Variants in EML6 observed in about 807,000 individuals in gnomAD.
EML6 encodes the protein echinoderm microtubule-associated protein-like 6.
In EML6, 154 loss-of-function variants were observed where a neutral mutation model predicts 240.1. That is an observed-to-expected ratio of 0.64 (90% CI 0.56 to 0.73). EML6 has a LOEUF of 0.73. Ranked by LOEUF, EML6 falls within the 30% of genes least tolerant of loss-of-function variation. The probability of loss-of-function intolerance (pLI) is 0.00; values close to 1 mark genes in which losing one functional copy is unlikely to be tolerated. For synonymous variants in EML6, 1,148 were observed against 899.0 expected (o/e 1.28, Z -4.95); for missense variants, 2,964 against 2,474.6 (o/e 1.20, Z -4.20).
intron 4 of EML6, among the ~76,000 whole-genome samples, chr2:54,819,647 G>A (rs141455524): frequency 6.6e-6 from 1 of 151,884 alleles, no homozygotes; most frequent in Non-Finnish European, 1.5e-5. Flanking sequence ...GTGGTGGCAC[G>A]CGCCTGTAGT....
chr2:54,833,826 C>T (rs1346366719), intron 7 of EML6, among the ~76,000 whole-genome samples: 4 of 152,170 alleles, frequency 2.6e-5, no homozygotes, highest in African/African-American at 7.2e-5. Flanking sequence ...ACCCAGGATC[C>T]TTCATCTGCA....
intron 2 of EML6, among the ~76,000 whole-genome samples, chr2:54,742,956 G>A (rs987569914): frequency 6.6e-6 from 1 of 152,174 alleles, no homozygotes; most frequent in Non-Finnish European, 1.5e-5. Context: ...TTGATATAAA[G>A]AGTTAAATTC....
intron 21 of EML6, among the ~76,000 whole-genome samples, chr2:54,899,059 C>G (rs532274605): frequency 1.3e-5 from 2 of 152,164 alleles, no homozygotes; most frequent in African/African-American, 2.4e-5. Flanking sequence ...TGAACAGACG[C>G]AGAACCTGGG....
chr2:54,773,211 A>AT (rs1255799463), intron 2 of EML6, among the ~76,000 whole-genome samples: 3 of 152,126 alleles, frequency 2.0e-5, no homozygotes, highest in Admixed American at 6.5e-5. Flanking sequence ...TATGAGAGAT[A>AT]TTTTCTCTTG....
chr2:54,877,169 AGAGT>A (rs1671550682), intron 16 of EML6, among the ~76,000 whole-genome samples: 1 of 152,014 alleles, frequency 6.6e-6, no homozygotes. Flanking sequence ...ATTTTTGTAG[AGAGT>A]GGGTTTCCTC....
At chr2:54,888,167 G>A (rs1277358701) in intron 17 of EML6, among the ~76,000 whole-genome samples, 4 of 152,206 alleles carry the variant, frequency 2.6e-5, no homozygotes, top group African/African-American at 4.8e-5. Flanking sequence ...GGGGGCTGGG[G>A]CAGGATTCAT....
chr2:54,781,794 C>T (rs1051996037), intron 2 of EML6, among the ~76,000 whole-genome samples: 19 of 152,068 alleles, frequency 1.2e-4, no homozygotes, highest in African/African-American at 4.1e-4. Flanking sequence ...TTCAGCCTCT[C>T]GAGTAGTTGG....
At chr2:54,726,462 C>A (rs1026659220) in intron 2 of EML6, among the ~76,000 whole-genome samples, 1 of 151,274 alleles carries the variant, frequency 6.6e-6, no homozygotes, top group African/African-American at 2.4e-5. Flanking sequence ...TTTTCTGAGA[C>A]CTAAAGTTGA....
At chr2:54,919,379 G>C (rs1407916394) in intron 26 of EML6, among the ~76,000 whole-genome samples, 3 of 151,794 alleles carry the variant, frequency 2.0e-5, no homozygotes, top group African/African-American at 7.3e-5. Context: ...ATTTTAACCT[G>C]AACATAGCAG....
chr2:54,724,167 A>G lies in EML6; in HGVS notation c.-513-382A>G, dbSNP rs761570815. Among the ~76,000 whole-genome samples the G allele has an allele frequency of 6.6e-6, 1 of 151,562 alleles. No homozygotes were observed. Among genetic ancestry groups the G allele is most frequent in the African/African-American group, 2.4e-5 (1 of 41,204 alleles). On this transcript the variant is annotated intron_variant, in intron 1 of 41. Coordinates refer to ENST00000356458, the MANE Select transcript of EML6 (RefSeq NM_001039753.4). The surrounding 1 kb of genome is among the most constrained non-coding windows in gnomAD (Gnocchi z 5.2). ...CTTCCGAGTAAGACAATCTTTCATG[A>G]TGCGGATTGGAGTTGCTGATCAATG...
In EML6 at chr2:54,892,562, C is replaced by G. The variant is rs1239239135; in HGVS notation, c.2648C>G (p.Ala883Gly). The G allele has an allele frequency of 3.2e-6, 5 of 1,551,328 alleles. No individual in the cohort carries two copies. Among genetic ancestry groups the G allele is most frequent in the Non-Finnish European group, 4.4e-6 (5 of 1,146,584 alleles). The change falls in exon 19 of 42, where the codon GCT becomes GGT. Residue 883 changes from alanine (A) to glycine (G), a missense_variant. By Grantham distance (60) the Ala-to-Gly change is moderately conservative. Coordinates refer to ENST00000356458, the MANE Select transcript of EML6 (RefSeq NM_001039753.4). ...GAAGATCTAGTGTTCTCAGGAGCAG[C>G]TACTGGAGATATTTTTATTTGGAAA... is the stretch of plus-strand genomic sequence containing the variant. ...RMEDLVFSGAATGDIFIWKDI... is the reference protein window; with the variant it reads ...RMEDLVFSGAGTGDIFIWKDI...
At chr2:54,791,207 C>T (rs1179516699) in intron 2 of EML6, among the ~76,000 whole-genome samples, 4 of 151,968 alleles carry the variant, frequency 2.6e-5, no homozygotes. Flanking sequence ...CTGAGTTGCA[C>T]GTGGGAACAC....
At chr2:54,830,524 C>A (rs1200375496) in intron 7 of EML6, among the ~76,000 whole-genome samples, 1 of 152,186 alleles carries the variant, frequency 6.6e-6, no homozygotes, top group Non-Finnish European at 1.5e-5. Flanking sequence ...GTTGTTTCTC[C>A]TGGGCTGTTC....
rs112670127 is a variant in EML6 at position 54,881,015 on chromosome 2, C to G, written c.2438+1375C>G. 267 of 152,204 alleles carry G rather than the reference C, an allele frequency of 1.8e-3. 3 individuals carry two copies. The highest frequency in any genetic ancestry group is 6.2e-3 in the African/African-American group (259 of 41,538). The allele number at this position is 152,204 out of a possible 1,614,324, so 9.4% of individuals were successfully genotyped here. On this transcript the variant is annotated intron_variant, in intron 17 of 41. Coordinates refer to ENST00000356458, the MANE Select transcript of EML6 (RefSeq NM_001039753.4). ...TACTTGTTGGATAGTGTTACTGCCT[C>G]TATTTAACACAAAGTTGACTTAACA... is the stretch of plus-strand genomic sequence containing the variant.
intron 26 of EML6, among the ~76,000 whole-genome samples, chr2:54,927,395 A>C (rs775503727): frequency 5.3e-5 from 8 of 152,184 alleles, no homozygotes; most frequent in Non-Finnish European, 1.0e-4. Context: ...TTACTTAATA[A>C]AATTTTCATC....
intron 14 of EML6, 23 bp from the exon 15 acceptor site, chr2:54,869,158 C>G: frequency 6.6e-7 from 1 of 1,510,290 alleles, no homozygotes; most frequent in Non-Finnish European, 9.0e-7. Context: ...AACCACTATG[C>G]ATTTCTTGGA....
rs1192338574 is a variant in EML6 at position 54,971,020 on chromosome 2, C to T, written c.*925C>T. Reference sequence around the variant, plus strand: ...GAAGGGGAAAAAGGCTCAGGAAGGTCTATGAGAATGAGCTGACTTATCTCG... The same window carrying T: ...GAAGGGGAAAAAGGCTCAGGAAGGTTTATGAGAATGAGCTGACTTATCTCG... On this transcript the variant is annotated 3_prime_UTR_variant, in exon 42 of 42. Transcript: ENST00000356458. 1 of 152,154 alleles carries T rather than the reference C, an allele frequency of 6.6e-6. No homozygotes were observed. Among genetic ancestry groups the T allele is most frequent in the Admixed American group, 6.6e-5 (1 of 15,264 alleles). 9.4% of individuals were successfully genotyped at this position (152,154 alleles called of 1,614,324 possible). A position where few individuals can be genotyped will look rare whatever the true frequency, so the allele number is the denominator to read the frequency against.
chr2:54,790,819 A>G lies in EML6; in HGVS notation c.198-22413A>G, dbSNP rs752931632. On this transcript the variant is annotated intron_variant, in intron 2 of 41. Transcript: ENST00000356458. Reference sequence around the variant, plus strand: ...TGGCTCACTGCAAGCTCCGCCTCCCAGGTTCACACCATTCTCCTGCCTCAG... The same window carrying G: ...TGGCTCACTGCAAGCTCCGCCTCCCGGGTTCACACCATTCTCCTGCCTCAG... Among the ~76,000 whole-genome samples, 275 of 142,510 alleles carry G rather than the reference A, an allele frequency of 1.9e-3. 3 individuals carry two copies. The highest frequency in any genetic ancestry group is 6.6e-3 in the African/African-American group (256 of 38,606). The allele number at this position is 142,510 out of a possible 152,430, so 93.5% of individuals were successfully genotyped here.
At chr2:54,832,815 C>T (rs891743615) in intron 7 of EML6, among the ~76,000 whole-genome samples, 2 of 150,158 alleles carry the variant, frequency 1.3e-5, no homozygotes, top group African/African-American at 2.4e-5. Flanking sequence ...TTGCCTCAAA[C>T]AAACCAAGTA....
Sources: gnomAD v4.1 joint callset for allele counts (sites outside exome capture counted in the v4.1 genomes callset) on GRCh38, gnomAD v4.1.1 for gene constraint, Gnocchi (gnomAD v3.1) non-coding constraint, MANE v1.5 for transcripts, NCBI Gene and HGNC (gene_info 2026-07-23, HGNC 2026-07-21) for gene names.